LANCL3: variants seen among roughly 807,000 people sequenced by gnomAD.
LANCL3 encodes lanC-like protein 3.
LANCL3 carries 19 observed loss-of-function variants against 26.5 expected under a neutral mutation model. The observed-to-expected ratio is 0.72, with a 90% CI of 0.50 to 1.05. The LOEUF is 1.05. Ranked by LOEUF, LANCL3 falls within the 50% of genes least tolerant of loss-of-function variation. LANCL3 has a pLI of 0.00. For synonymous variants in LANCL3, 160 were observed against 166.6 expected, an observed-to-expected ratio of 0.96 and a Z score of 0.30; for missense variants, 318 against 362.7, an observed-to-expected ratio of 0.88 and a Z score of 1.00.
At chrX:37,619,680 T>G (rs1556422094) in intron 1 of LANCL3, among the ~76,000 whole-genome samples, 1 of 111,836 alleles carries the variant, frequency 8.9e-6, no homozygotes, top group Non-Finnish European at 1.9e-5. Context: ...AATCTGCCCT[T>G]GATCAAGGAA....
intron 1 of LANCL3, among the ~76,000 whole-genome samples, chrX:37,633,950 G>A (rs189503825): frequency 1.2e-4 from 13 of 112,304 alleles, no homozygotes; most frequent in African/African-American, 4.2e-4. Flanking sequence ...GAGAACCACT[G>A]CTCTCTTCAA....
chrX:37,640,823 T>C (rs1556425857), intron 1 of LANCL3, among the ~76,000 whole-genome samples: 1 of 110,579 alleles, frequency 9.0e-6, no homozygotes, highest in East Asian at 2.9e-4. Context: ...AGAGTAAGGG[T>C]GTCAATTTAC....
intron 1 of LANCL3, among the ~76,000 whole-genome samples, chrX:37,632,736 A>T (rs1237337039): frequency 9.9e-5 from 11 of 111,228 alleles, no homozygotes; most frequent in South Asian, 7.5e-4. Flanking sequence ...TGGATATGAA[A>T]TTCTGGGTTG....
intron 1 of LANCL3, among the ~76,000 whole-genome samples, chrX:37,589,078 G>T (rs1190722145): frequency 5.4e-5 from 6 of 112,024 alleles, no homozygotes; most frequent in African/African-American, 1.9e-4. Context: ...AGGCCAAAGA[G>T]ATCCAGTGTC....
rs564039344 is a variant in LANCL3, at chrX:37,656,760, C to T, written c.697+949C>T. The stretch of plus-strand genomic sequence containing the variant: ...AGGATGGGAACTTTCTCTCATTTAT[C>T]TTCATGATTCTTAGACCTTCACCAC... On this transcript the variant is annotated intron_variant, in intron 2 of 4. Transcript: ENST00000378619. Among the ~76,000 whole-genome samples the T allele has an allele frequency of 9.8e-5, 11 of 112,437 alleles. No individual in the cohort carries two copies. The South Asian group carries it at 3.7e-3, about 37-fold the overall frequency.
intron 1 of LANCL3, among the ~76,000 whole-genome samples, chrX:37,616,783 G>A (rs1487332581): frequency 3.6e-5 from 4 of 111,638 alleles, no homozygotes; most frequent in African/African-American, 1.3e-4. Flanking sequence ...GTTTCTTAGA[G>A]TAGTGTTTTA....
rs782514990 is a variant in LANCL3, at chrX:37,655,730, C to G, written c.616C>G (p.Leu206Val). 30 of 1,204,094 alleles carry G rather than the reference C, an allele frequency of 2.5e-5. No homozygotes were observed. The highest frequency in any genetic ancestry group is 3.4e-5 in the Non-Finnish European group (30 of 889,261). The change falls in exon 2 of 5, where the codon CTG becomes GTG. Residue 206 changes from leucine (L) to valine (V), a missense_variant. Transcript: ENST00000378619. Reference protein sequence around the residue: ...AQIKSICQAILDSGKQYAIKK... With the variant: ...AQIKSICQAIVDSGKQYAIKK... Reference sequence around the variant, plus strand: ...GATCAAGTCAATTTGTCAGGCAATTCTGGACTCTGGGAAGCAGTATGCCAT... The same window carrying G: ...GATCAAGTCAATTTGTCAGGCAATTGTGGACTCTGGGAAGCAGTATGCCAT...
At chrX:37,628,058 A>C (rs782248611) in intron 1 of LANCL3, among the ~76,000 whole-genome samples, 2 of 112,117 alleles carry the variant, frequency 1.8e-5, no homozygotes, top group African/African-American at 3.2e-5. Flanking sequence ...CTGTTGAGAT[A>C]GTGTTAAAAG....
chrX:37,594,307 C>G (rs1174868547), intron 1 of LANCL3, among the ~76,000 whole-genome samples: 106 of 112,222 alleles, frequency 9.4e-4, no homozygotes, highest in African/African-American at 3.3e-3. Flanking sequence ...TTTACATAAG[C>G]TGTCCTATTT....
chrX:37,663,604 G>A (rs886405011), intron 3 of LANCL3, among the ~76,000 whole-genome samples: 25 of 111,604 alleles, frequency 2.2e-4, no homozygotes, highest in African/African-American at 7.2e-4. Flanking sequence ...AGTAGTTTAA[G>A]CAGGGGAATG....
At chrX:37,581,962 T>A (rs1460381058) in intron 1 of LANCL3, among the ~76,000 whole-genome samples, 3 of 109,677 alleles carry the variant, frequency 2.7e-5, no homozygotes, top group Admixed American at 9.7e-5. Flanking sequence ...CCCTGGTGTG[T>A]GATGTTCCCC....
chrX:37,644,220 A>G (rs1925935907), intron 1 of LANCL3, among the ~76,000 whole-genome samples: 1 of 111,260 alleles, frequency 9.0e-6, no homozygotes, highest in African/African-American at 3.3e-5. Flanking sequence ...GAGCATCACC[A>G]TCACCCAAGA....
intron 1 of LANCL3, among the ~76,000 whole-genome samples, chrX:37,642,711 C>T (rs1925897211): frequency 8.9e-6 from 1 of 112,053 alleles, no homozygotes; most frequent in Non-Finnish European, 1.9e-5. Context: ...ATGCAGGGTA[C>T]TTGGCAAGGG....
At chrX:37,592,210 C>A (rs1257820615) in intron 1 of LANCL3, among the ~76,000 whole-genome samples, 2 of 112,062 alleles carry the variant, frequency 1.8e-5, no homozygotes, top group Non-Finnish European at 3.8e-5. Context: ...TTATCAGATA[C>A]ATTCACAAAA....
chrX:37,586,565 A>G (rs1556418053), intron 1 of LANCL3, among the ~76,000 whole-genome samples: 2 of 111,625 alleles, frequency 1.8e-5, no homozygotes, highest in Admixed American at 9.5e-5. Flanking sequence ...CATCACTGAT[A>G]CCCTTTCTTC....
intron 1 of LANCL3, among the ~76,000 whole-genome samples, chrX:37,579,284 A>G (rs183565941): frequency 9.0e-6 from 1 of 111,515 alleles, no homozygotes; most frequent in East Asian, 2.8e-4. Context: ...AAATAGTGCC[A>G]TAAATAATAT....
chrX:37,667,659 A>G (rs1327638462), intron 4 of LANCL3, among the ~76,000 whole-genome samples, 170 bp downstream of exon 4: 1 of 111,723 alleles, frequency 9.0e-6, no homozygotes, highest in Non-Finnish European at 1.9e-5. Flanking sequence ...TATCTTCCCA[A>G]AGATATTCTA....
At chrX:37,660,169 A>G (rs977192849) in intron 3 of LANCL3, among the ~76,000 whole-genome samples, 2 of 111,608 alleles carry the variant, frequency 1.8e-5, no homozygotes, top group African/African-American at 6.5e-5. Flanking sequence ...TCTACATTGG[A>G]TAGTGCAGAT....
At chrX:37,599,333 A>G (rs782383676) in intron 1 of LANCL3, among the ~76,000 whole-genome samples, 2 of 112,553 alleles carry the variant, frequency 1.8e-5, no homozygotes, top group Non-Finnish European at 3.7e-5. Flanking sequence ...TATTGATCCT[A>G]GTGGTTCTGA....
Sources: allele counts gnomAD v4.1 joint callset (sites outside exome capture counted in the v4.1 genomes callset), GRCh38; gene constraint gnomAD v4.1.1; transcripts MANE v1.5; gene names NCBI Gene and HGNC (gene_info 2026-07-23, HGNC 2026-07-21).